Variants in STIM1 observed in about 807,000 individuals in gnomAD.
STIM1 encodes the protein stromal interaction molecule 1.
In STIM1, 25 loss-of-function variants were observed where a neutral mutation model predicts 74.7. The ratio of observed to expected loss-of-function variants is 0.33; its 90% CI spans 0.24 to 0.47. The LOEUF (loss-of-function observed/expected upper bound fraction) is 0.47. Ranked by LOEUF, STIM1 falls within the 20% of genes least tolerant of loss-of-function variation. STIM1 has a pLI of 1.00. For synonymous variants in STIM1, 328 were observed against 348.8 expected (o/e 0.94, Z 0.66); for missense variants, 728 against 920.8 (o/e 0.79, Z 2.71).
At position 3,924,766 on chromosome 11, in the gene STIM1, C is replaced by T. The variant is rs936017594; in HGVS notation, c.140-42786C>T. Among the ~76,000 whole-genome samples the T allele has an allele frequency of 3.9e-5, 6 of 152,134 alleles. No individual in the cohort carries two copies. In the East Asian group the frequency reaches 5.8e-4, roughly 15 times the overall value. On this transcript the variant is annotated intron_variant, in intron 1 of 12. Transcript: ENST00000526596. The stretch of plus-strand genomic sequence containing the variant: ...ATTCCAGTTGAAGCAGCTACTTTTT[C>T]GTGGTTACACTTAAGTATTTTTAAA...
At chr11:3,918,176 G>A (rs2092672961) in intron 1 of STIM1, among the ~76,000 whole-genome samples, 1 of 152,058 alleles carries the variant, frequency 6.6e-6, no homozygotes. Context: ...CCCATGTAGT[G>A]GCAAAGAAAG....
intron 5 of STIM1, among the ~76,000 whole-genome samples, chr11:4,066,670 C>A (rs1463063221): frequency 1.3e-5 from 2 of 151,960 alleles, no homozygotes; most frequent in East Asian, 3.9e-4. Flanking sequence ...CATAGCAAGA[C>A]CTCCATCTCT....
chr11:4,023,453 A>C (rs557893843), intron 2 of STIM1, among the ~76,000 whole-genome samples: 33 of 152,348 alleles, frequency 2.2e-4, no homozygotes, highest in African/African-American at 7.7e-4. Context: ...TTTATAAAAT[A>C]AGTGTGATAA....
intron 1 of STIM1, chr11:3,892,768 G>A (rs940802208): frequency 6.1e-5 from 99 of 1,613,092 alleles, no homozygotes; most frequent in Middle Eastern, 1.6e-4. Context: ...TCTCTCCAGT[G>A]CTCAGAGCAC....
intron 1 of STIM1, chr11:3,892,749 C>A (rs907643697): frequency 6.2e-7 from 1 of 1,613,126 alleles, no homozygotes; most frequent in African/African-American, 1.3e-5. Context: ...CCCTTATAAC[C>A]AAATCCTTTC....
At chr11:3,993,586 G>T (rs1197610899) in intron 2 of STIM1, among the ~76,000 whole-genome samples, 2 of 152,188 alleles carry the variant, frequency 1.3e-5, no homozygotes, top group African/African-American at 4.8e-5. Context: ...AACCCAGGAG[G>T]TGGAGGTTGT....
intron 2 of STIM1, among the ~76,000 whole-genome samples, chr11:4,011,081 G>GT (rs1457853517): frequency 6.6e-6 from 1 of 152,146 alleles, no homozygotes; most frequent in Non-Finnish European, 1.5e-5. Context: ...GTAGTCCATG[G>GT]TGTATATATG....
chr11:4,022,849 C>T (rs541812892), intron 2 of STIM1, among the ~76,000 whole-genome samples: 1 of 152,338 alleles, frequency 6.6e-6, no homozygotes, highest in South Asian at 2.1e-4. Flanking sequence ...CCCCTCAGGG[C>T]CCAAAAGAGA....
intron 2 of STIM1, among the ~76,000 whole-genome samples, chr11:4,010,318 G>T (rs577340412): frequency 3.3e-5 from 5 of 151,906 alleles, no homozygotes; most frequent in Admixed American, 6.6e-5. Context: ...TTGCAGGTGT[G>T]TGCCATCCTG....
intron 12 of STIM1, among the ~76,000 whole-genome samples, chr11:4,091,034 A>G (rs559950021): frequency 1.3e-5 from 2 of 150,196 alleles, no homozygotes; most frequent in African/African-American, 4.9e-5. Flanking sequence ...CTCTTTTCCA[A>G]TCTATCCTCA....
At position 3,895,876 on chromosome 11, in the gene STIM1, CT is replaced by C. The variant is rs1485096694; in HGVS notation, c.139+39471del. On this transcript the variant is annotated intron_variant, in intron 1 of 12. Transcript: ENST00000526596. ...CTTTCTCTCTCTCTCTCTTTCTTTT[CT>C]TTTCTTTCTTTTCTTTCTTTCTTTC... Among the ~76,000 whole-genome samples, 23 of 116,774 alleles carry C rather than the reference CT, an allele frequency of 2.0e-4. 1 individual carries two copies. Among genetic ancestry groups the C allele is most frequent in the African/African-American group, 7.9e-4 (23 of 29,124 alleles). 76.6% of individuals were successfully genotyped at this position (116,774 alleles called of 152,430 possible).
At chr11:3,875,190 G>C (rs1037030075) in intron 1 of STIM1, among the ~76,000 whole-genome samples, 1 of 152,096 alleles carries the variant, frequency 6.6e-6, no homozygotes, top group Non-Finnish European at 1.5e-5. Context: ...AGCATGCCAA[G>C]ATACTAACCT....
intron 1 of STIM1, among the ~76,000 whole-genome samples, chr11:3,925,295 T>C (rs1428728838): frequency 6.6e-6 from 1 of 152,234 alleles, no homozygotes; most frequent in Non-Finnish European, 1.5e-5. Context: ...CTCAGGAGGC[T>C]GATGCAGGAG....
chr11:3,890,177 C>A (rs888917003), intron 1 of STIM1, among the ~76,000 whole-genome samples: 3 of 152,186 alleles, frequency 2.0e-5, no homozygotes, highest in South Asian at 2.1e-4. Flanking sequence ...CACGCTTACC[C>A]TCTCTGGACC....
rs550871688 is a variant in STIM1 at position 3,889,673 on chromosome 11, C to A, written c.139+33264C>A. 2.1e-3 allele frequency among the ~76,000 whole-genome samples: 314 copies of A among 152,256 alleles called. 2 individuals are homozygous for A. Among genetic ancestry groups the A allele is most frequent in the Middle Eastern group, 0.01 (3 of 294 alleles). On this transcript the variant is annotated intron_variant, in intron 1 of 12. Transcript: ENST00000526596. ...GAGGTTAAATTACTTGTTAAAGTCACTTTCTATTAGCCGTATCTAGGCGCT... is the reference window on the plus strand; with the variant it reads ...GAGGTTAAATTACTTGTTAAAGTCAATTTCTATTAGCCGTATCTAGGCGCT...
At chr11:3,892,610 G>C in intron 1 of STIM1, 2 of 1,602,872 alleles carry the variant, frequency 1.2e-6, no homozygotes, top group South Asian at 2.2e-5. Context: ...GCCAGGACCT[G>C]TATGCTTTAG....
intron 2 of STIM1, among the ~76,000 whole-genome samples, chr11:4,001,024 G>A (rs1003953601): frequency 4.6e-5 from 7 of 152,100 alleles, no homozygotes; most frequent in Non-Finnish European, 7.4e-5. Flanking sequence ...AGCGAGAAGG[G>A]AAGTTTAGAG....
chr11:4,079,121 C>T (rs111427975), intron 7 of STIM1, among the ~76,000 whole-genome samples: 38,182 of 151,648 alleles, frequency 0.25, 5,670 homozygotes, highest in South Asian at 0.44. Flanking sequence ...GACACCCTGT[C>T]TCTACTAAAA....
intron 2 of STIM1, among the ~76,000 whole-genome samples, chr11:4,003,766 G>T (rs368511729): frequency 6.6e-6 from 1 of 152,124 alleles, no homozygotes; most frequent in South Asian, 2.1e-4. Flanking sequence ...AGAAATAAAG[G>T]GTATTCGATT....
Sources: gnomAD v4.1 joint callset for allele counts (sites outside exome capture counted in the v4.1 genomes callset) on GRCh38, gnomAD v4.1.1 for gene constraint, MANE v1.5 for transcripts, NCBI Gene and HGNC (gene_info 2026-07-23, HGNC 2026-07-21) for gene names.